Variants in PRIM2 observed in about 807,000 individuals in gnomAD.
PRIM2 encodes DNA primase subunit 2, also known as DNA primase large subunit.
PRIM2 carries 39 observed loss-of-function variants against 67.3 expected under a neutral mutation model. The observed-to-expected ratio is 0.58, with a 90% CI of 0.45 to 0.76. The LOEUF is 0.76. PRIM2 is among the 30% of genes least tolerant of loss of function. PRIM2 has a pLI of 0.00. For missense variants in PRIM2, 398 were observed against 598.7 expected, an observed-to-expected ratio of 0.66 and a Z score of 3.50; for synonymous variants, 143 against 198.7, an observed-to-expected ratio of 0.72 and a Z score of 2.36.
chr6:57,397,967 CTT>C (rs369522862), intron 7 of PRIM2, among the ~76,000 whole-genome samples: 2 of 102,278 alleles, frequency 2.0e-5, no homozygotes, highest in Admixed American at 1.1e-4. Flanking sequence ...TTCTTTCTTT[CTT>C]TTTTTTTTTG....
At position 57,329,813 on chromosome 6, in the gene PRIM2, T is replaced by C. The variant is rs527540678; in HGVS notation, c.459+3768T>C. ...GAGAACAGACTAATACAACTGTAAATGTAAACATTTATTTCAGTACTCTTA... is the reference window on the plus strand; with the variant it reads ...GAGAACAGACTAATACAACTGTAAACGTAAACATTTATTTCAGTACTCTTA... On this transcript the variant is annotated intron_variant, in intron 5 of 13. Transcript: ENST00000615550. 2.6e-4 allele frequency among the ~76,000 whole-genome samples: 39 copies of C among 152,358 alleles called. No homozygotes were observed. In the South Asian group the frequency reaches 3.5e-3, roughly 14 times the overall value.
At chr6:57,503,522 G>A (rs1287101154) in intron 7 of PRIM2, among the ~76,000 whole-genome samples, 1 of 152,204 alleles carries the variant, frequency 6.6e-6, no homozygotes, top group Non-Finnish European at 1.5e-5. Flanking sequence ...GCCAAGGCGG[G>A]TGGATCACTT....
the PRIM2 span, among the ~76,000 whole-genome samples, chr6:57,303,039 T>A: frequency 2.0e-5 from 3 of 152,212 alleles, no homozygotes; most frequent in African/African-American, 7.2e-5. Flanking sequence ...AGTTGATGTA[T>A]ATGATTTTTA....
At chr6:57,617,560 G>C (rs1292812169) in intron 12 of PRIM2, among the ~76,000 whole-genome samples, 2 of 152,124 alleles carry the variant, frequency 1.3e-5, no homozygotes, top group African/African-American at 4.8e-5. Context: ...CATCTTCTTT[G>C]AAGAAATGTC....
intron 12 of PRIM2, among the ~76,000 whole-genome samples, chr6:57,623,094 T>A (rs1164296920): frequency 1.3e-5 from 2 of 152,190 alleles, no homozygotes; most frequent in Non-Finnish European, 2.9e-5. Flanking sequence ...TTCAGGAGTA[T>A]CTCTTCTGAT....
intron 12 of PRIM2, among the ~76,000 whole-genome samples, chr6:57,626,477 A>T (rs1252951548): frequency 3.3e-5 from 5 of 152,190 alleles, no homozygotes; most frequent in Non-Finnish European, 7.3e-5. Flanking sequence ...AACTGCAAAG[A>T]TGTCTTTGGT....
the PRIM2 span, among the ~76,000 whole-genome samples, chr6:57,268,601 G>A: frequency 1.3e-5 from 2 of 151,784 alleles, no homozygotes; most frequent in East Asian, 3.9e-4. Context: ...TATATATATG[G>A]CAATTTCCCC....
intron 8 of PRIM2, among the ~76,000 whole-genome samples, chr6:57,510,423 C>G (rs1696265571): frequency 1.3e-5 from 2 of 152,076 alleles, no homozygotes; most frequent in South Asian, 4.1e-4. Context: ...ACAGTTGATT[C>G]TGAGAGATAA....
chr6:57,458,187 G>A (rs1163947917), intron 7 of PRIM2, among the ~76,000 whole-genome samples: 1 of 152,114 alleles, frequency 6.6e-6, no homozygotes, highest in Non-Finnish European at 1.5e-5. Flanking sequence ...TGGGGGCTCT[G>A]TTCCATATTG....
At chr6:57,234,683 C>A in the PRIM2 span, among the ~76,000 whole-genome samples, 1 of 152,102 alleles carries the variant, frequency 6.6e-6, no homozygotes, top group African/African-American at 2.4e-5. Context: ...ACCACCATGC[C>A]CAGCTAATTT....
At chr6:57,582,999 C>T (rs1260476345) in intron 10 of PRIM2, among the ~76,000 whole-genome samples, 1 of 133,522 alleles carries the variant, frequency 7.5e-6, no homozygotes, top group Middle Eastern at 4.1e-3. Context: ...CATGTGTTCT[C>T]ATTGTTCAAT....
At chr6:57,575,481 T>C (rs1204828072) in intron 10 of PRIM2, among the ~76,000 whole-genome samples, 2 of 152,182 alleles carry the variant, frequency 1.3e-5, no homozygotes, top group Non-Finnish European at 2.9e-5. Context: ...GAGCTCTGCA[T>C]AGGGAATCAG....
chr6:57,624,712 A>T (rs1307026680), intron 12 of PRIM2, among the ~76,000 whole-genome samples: 1 of 152,228 alleles, frequency 6.6e-6, no homozygotes, highest in African/African-American at 2.4e-5. Context: ...ACTGTTCAAG[A>T]CATTGGGAAT....
chr6:57,422,552 A>G (rs1408530662), intron 7 of PRIM2, among the ~76,000 whole-genome samples: 1 of 152,206 alleles, frequency 6.6e-6, no homozygotes, highest in African/African-American at 2.4e-5. Flanking sequence ...ATTACATATC[A>G]CAGAACTTTA....
chr6:57,489,533 G>T (rs1773837575), intron 7 of PRIM2, among the ~76,000 whole-genome samples: 1 of 150,950 alleles, frequency 6.6e-6, no homozygotes, highest in African/African-American at 2.5e-5. Context: ...CTCCAGCCTG[G>T]GCGACAGAGT....
intron 7 of PRIM2, among the ~76,000 whole-genome samples, chr6:57,499,907 A>C (rs1354277289): frequency 2.0e-5 from 3 of 152,208 alleles, no homozygotes; most frequent in African/African-American, 7.2e-5. Flanking sequence ...TTATTTGCTG[A>C]TAACACTTAA....
At chr6:57,576,138 G>T (rs1481154806) in intron 10 of PRIM2, among the ~76,000 whole-genome samples, 1 of 151,890 alleles carries the variant, frequency 6.6e-6, no homozygotes, top group Non-Finnish European at 1.5e-5. Flanking sequence ...GGGAAAACAT[G>T]TTCCCAACAT....
intron 5 of PRIM2, among the ~76,000 whole-genome samples, chr6:57,374,904 G>T (rs1205874924): frequency 6.6e-6 from 1 of 152,244 alleles, no homozygotes; most frequent in Non-Finnish European, 1.5e-5. Flanking sequence ...AGTGATTTTT[G>T]CATGTTAGTT....
rs1771485706 is a variant in PRIM2, at chr6:57,422,158, C to CTTTCTTTTTTTTT, written c.693+39993_693+39994insCTTTTTTTTTTTT. On this transcript the variant is annotated intron_variant, in intron 7 of 13. Coordinates refer to ENST00000615550, the MANE Select transcript of PRIM2 (RefSeq NM_000947.5). ...AAATTCAAAAGTATTTCTTTTCTTT[C>CTTTCTTTTTTTTT]TTTTTTTTTTTTTTGAGATGGAGTC... is the stretch of plus-strand genomic sequence containing the variant. Among the ~76,000 whole-genome samples, 6 of 103,324 alleles carry CTTTCTTTTTTTTT rather than the reference C, an allele frequency of 5.8e-5. 1 individual carries two copies. The highest frequency in any genetic ancestry group is 2.8e-4 in the East Asian group (1 of 3,560). 67.8% of individuals were successfully genotyped at this position (103,324 alleles called of 152,430 possible).
Sources: allele counts gnomAD v4.1 joint callset (sites outside exome capture counted in the v4.1 genomes callset), GRCh38; gene constraint gnomAD v4.1.1; transcripts MANE v1.5; gene names NCBI Gene and HGNC (gene_info 2026-07-23, HGNC 2026-07-21).